MYO9A: variants seen among roughly 807,000 people sequenced by gnomAD.
MYO9A encodes the protein myosin IXA.
MYO9A carries 103 observed loss-of-function variants against 293.3 expected under a neutral mutation model. The observed-to-expected ratio is 0.35, with a 90% CI of 0.30 to 0.41. The LOEUF is 0.41. Among genes scored for constraint, MYO9A ranks in the 10% least tolerant of loss-of-function variants. The pLI is 1.00. For missense variants in MYO9A, 2,685 were observed against 3,033.0 expected (o/e 0.89, Z 2.69); for synonymous variants, 1,001 against 1,035.7 (o/e 0.97, Z 0.64).
At chr15:71,932,811 T>G (rs1443857618) in intron 18 of MYO9A, among the ~76,000 whole-genome samples, 2 of 152,142 alleles carry the variant, frequency 1.3e-5, no homozygotes, top group Non-Finnish European at 2.9e-5. Context: ...ATTCACGTTG[T>G]TACACGCATC....
At chr15:72,001,034 C>G (rs2076849648) in intron 8 of MYO9A, among the ~76,000 whole-genome samples, 1 of 152,038 alleles carries the variant, frequency 6.6e-6, no homozygotes. Flanking sequence ...AGAATACTAC[C>G]AAACTCCTAT....
rs28373432 is a variant in MYO9A at position 72,051,121 on chromosome 15, A to G, written c.-71-4487T>C. Among the ~76,000 whole-genome samples the G allele has an allele frequency of 7.0e-3, 1,067 of 152,202 alleles. 17 individuals are homozygous for G. Among genetic ancestry groups the G allele is most frequent in the African/African-American group, 0.024 (993 of 41,526 alleles). ...TCTCTGTCATGCAGGCTGGAGTACA[A>G]TGGCACAATCATGGCTCACTGCAGC... On this transcript the variant is annotated intron_variant, in intron 1 of 41. Transcript: ENST00000356056.
chr15:71,981,630 C>G (rs2076273897), intron 11 of MYO9A, among the ~76,000 whole-genome samples: 1 of 144,702 alleles, frequency 6.9e-6, no homozygotes, highest in Non-Finnish European at 1.5e-5. Flanking sequence ...TTATATCCCT[C>G]TCTCTGTCTT....
At chr15:72,087,203 C>A (rs560980145) in intron 1 of MYO9A, among the ~76,000 whole-genome samples, 2 of 152,184 alleles carry the variant, frequency 1.3e-5, no homozygotes, top group African/African-American at 4.8e-5. Flanking sequence ...CCAGAAGAGG[C>A]CAGCAGACCA....
rs894134400 is a variant in MYO9A at position 72,117,837 on chromosome 15, G to C, written c.-229C>G. On this transcript the variant is annotated 5_prime_UTR_variant, in exon 1 of 42. Coordinates refer to ENST00000356056, the MANE Select transcript of MYO9A (RefSeq NM_006901.4). Reference sequence around the variant, plus strand: ...GGTGGGCCCAGCAGCCTCAGGGTCCGGGCGAGCGGCCGCGGCGCATCCCCC... The same window carrying C: ...GGTGGGCCCAGCAGCCTCAGGGTCCCGGCGAGCGGCCGCGGCGCATCCCCC... The C allele has an allele frequency of 7.5e-6, 3 of 398,512 alleles. No individual in the cohort carries two copies. The highest frequency in any genetic ancestry group is 4.1e-5 in the African/African-American group (2 of 48,600). 24.7% of individuals were successfully genotyped at this position (398,512 alleles called of 1,614,324 possible).
intron 25 of MYO9A, among the ~76,000 whole-genome samples, chr15:71,896,622 A>C (rs2057335887): frequency 6.6e-6 from 1 of 152,038 alleles, no homozygotes; most frequent in South Asian, 2.1e-4. Flanking sequence ...TCTACTAAAA[A>C]TACAAAAATT....
At chr15:71,999,159 C>T (rs1044052336) in intron 9 of MYO9A, 1 of 152,148 alleles carries the variant, frequency 6.6e-6, no homozygotes. Context: ...GTCTTCTAAT[C>T]TTCTAATTTC....
intron 15 of MYO9A, among the ~76,000 whole-genome samples, chr15:71,940,620 C>A (rs908096080): frequency 6.6e-6 from 1 of 152,120 alleles, no homozygotes; most frequent in Admixed American, 6.5e-5. Flanking sequence ...AAAGACTCAA[C>A]TAAATGGAAT....
At chr15:71,905,143 T>C (rs1275647426) in intron 19 of MYO9A, 137 bp from the exon 20 acceptor site, 1 of 565,638 alleles carries the variant, frequency 1.8e-6, no homozygotes, top group Non-Finnish European at 3.0e-6. Context: ...GAAAAGCACA[T>C]TGTGTATATT....
At chr15:71,880,791 T>C (rs1298652266) in intron 28 of MYO9A, among the ~76,000 whole-genome samples, 1 of 152,196 alleles carries the variant, frequency 6.6e-6, no homozygotes, top group Admixed American at 6.6e-5. Context: ...GATGATATCA[T>C]ATCTCCCAAG....
Position 71,901,207 on chromosome 15 carries a change from G to A in MYO9A, c.3134C>T (p.Ala1045Val). The A allele has an allele frequency of 6.2e-7, 1 of 1,612,346 alleles. No individual in the cohort carries two copies. The highest frequency in any genetic ancestry group is 8.5e-7 in the Non-Finnish European group (1 of 1,179,464). Residue 1045 changes from alanine to valine, a missense_variant, in exon 23 of 42, where the codon GCA becomes GTA. Around this residue, in one of 10 missense-constraint regions of MYO9A, gnomAD observed 1,434 missense variants for 1,497.7 expected, o/e 0.96. Transcript: ENST00000356056. ...GCTTCTCACCTGGATAATAACAGAT[G>A]CTTGTCTCAGATGGAGGAAATGCTG... ...CRQHFLHLRQ[A>V]SVIIQRFWRN... is the part of the protein sequence containing the mutation.
intron 14 of MYO9A, among the ~76,000 whole-genome samples, chr15:71,956,328 A>ATATATATATATATATAT (rs1555490908): frequency 6.6e-5 from 1 of 15,172 alleles, no homozygotes; most frequent in African/African-American, 1.7e-4. Flanking sequence ...AAAAAAAAAA[A>ATATATATATATATATAT]AAATATATAT....
intron 1 of MYO9A, among the ~76,000 whole-genome samples, chr15:72,048,557 C>G (rs1036225072): frequency 6.6e-6 from 1 of 152,138 alleles, no homozygotes; most frequent in African/African-American, 2.4e-5. Flanking sequence ...CTGTACCTAT[C>G]AATCTGTTCT....
At position 71,928,337 on chromosome 15, in the gene MYO9A, A is replaced by C. The variant is rs1204139342; in HGVS notation, c.2562+5333T>G. On this transcript the variant is annotated intron_variant, in intron 18 of 41. Transcript: ENST00000356056. ...CATGATCCACCCGCCTCGGCCTCCC[A>C]AAGTGCTGTCTAATATATTTTTAAA... Among the ~76,000 whole-genome samples the C allele has an allele frequency of 1.3e-5, 2 of 151,372 alleles. 1 individual carries two copies. Among genetic ancestry groups the C allele is most frequent in the African/African-American group, 4.9e-5 (2 of 41,210 alleles).
chr15:71,976,642 A>T (rs2076154231), intron 12 of MYO9A, among the ~76,000 whole-genome samples: 1 of 152,252 alleles, frequency 6.6e-6, no homozygotes. Context: ...ACAGTGAATT[A>T]CAAACCTTAC....
rs371953150 is a variant in MYO9A, at chr15:72,010,358, T to A, written c.1245A>T (p.Thr415=). ...AMEMVGFLPK[T]RRQIFSLLSA... The stretch of plus-strand genomic sequence containing the variant: ...ACAACAAGTAAACTCACTGTCTTCG[T>A]GTCTTGGGAAGAAATCCTACCATTT... The change falls in exon 7 of 42, where the codon ACA becomes ACT. Residue 415 remains threonine, a synonymous_variant. Transcript: ENST00000356056. 4 of 1,613,152 alleles carry A rather than the reference T, an allele frequency of 2.5e-6. No individual in the cohort carries two copies. The highest frequency in any genetic ancestry group is 3.4e-6 in the Non-Finnish European group (4 of 1,179,270).
chr15:72,076,768 A>G (rs576548038), intron 1 of MYO9A, among the ~76,000 whole-genome samples: 53 of 152,330 alleles, frequency 3.5e-4, no homozygotes, highest in African/African-American at 1.2e-3. Context: ...GAAAAGTAAA[A>G]GACCAAGAAT....
At chr15:71,966,740 G>A (rs1169049885) in intron 13 of MYO9A, among the ~76,000 whole-genome samples, 1 of 152,102 alleles carries the variant, frequency 6.6e-6, no homozygotes, top group East Asian at 1.9e-4. Context: ...AAAAAAAAGT[G>A]ACTTAACTGA....
intron 8 of MYO9A, among the ~76,000 whole-genome samples, chr15:72,003,661 G>A (rs111622512): frequency 0.023 from 3,289 of 144,040 alleles, 116 homozygotes; most frequent in African/African-American, 0.082. Flanking sequence ...CCGAGATTGC[G>A]CCACTGCACT....
Sources: allele counts gnomAD v4.1 joint callset (sites outside exome capture counted in the v4.1 genomes callset), GRCh38; gene constraint gnomAD v4.1.1; regional missense constraint gnomAD v4.1.1; transcripts MANE v1.5; gene names NCBI Gene and HGNC (gene_info 2026-07-23, HGNC 2026-07-21).